BBS9: variants seen among roughly 807,000 people sequenced by gnomAD.
The protein encoded by BBS9 is protein PTHB1.
Under a neutral mutation model 117.7 loss-of-function variants are expected in BBS9, and 89 were observed. The ratio of observed to expected loss-of-function variants is 0.76; its 90% confidence interval spans 0.64 to 0.90. BBS9 has a LOEUF of 0.90. Among genes scored for constraint, BBS9 ranks in the 40% least tolerant of loss-of-function variants. The pLI, the probability that BBS9 is intolerant of heterozygous loss-of-function variation, is 0.00. For missense variants in BBS9, 982 were observed against 1,042.2 expected, an observed-to-expected ratio of 0.94 and a Z score of 0.80; for synonymous variants, 379 against 370.9, an observed-to-expected ratio of 1.02 and a Z score of -0.25.
chr7:33,469,548 TA>T (rs1840679627), intron 19 of BBS9, among the ~76,000 whole-genome samples: 1 of 152,180 alleles, frequency 6.6e-6, no homozygotes, highest in Non-Finnish European at 1.5e-5. Flanking sequence ...TAGGGGAAGA[TA>T]TTTTTTAACT....
At chr7:33,384,362 T>G (rs1825638545) in intron 18 of BBS9, among the ~76,000 whole-genome samples, 1 of 152,202 alleles carries the variant, frequency 6.6e-6, no homozygotes, top group Admixed American at 6.5e-5. Flanking sequence ...AACAGTAACT[T>G]TGTTGCTCTG....
At chr7:33,219,259 C>A (rs189526100) in intron 5 of BBS9, among the ~76,000 whole-genome samples, 1 of 152,202 alleles carries the variant, frequency 6.6e-6, no homozygotes, top group Non-Finnish European at 1.5e-5. Context: ...AGCCTCCCAC[C>A]CCCTCCGTGG....
At chr7:33,389,888 T>C (rs1288857687) in intron 19 of BBS9, among the ~76,000 whole-genome samples, 1 of 152,028 alleles carries the variant, frequency 6.6e-6, no homozygotes, top group African/African-American at 2.4e-5. Context: ...TTCCATAAAA[T>C]GAGATGACTA....
At chr7:33,572,066 A>C (rs988478206) in intron 21 of BBS9, among the ~76,000 whole-genome samples, 1 of 151,968 alleles carries the variant, frequency 6.6e-6, no homozygotes, top group Non-Finnish European at 1.5e-5. Flanking sequence ...TGTATTTACT[A>C]TCCAAACCTT....
chr7:33,562,042 G>T (rs1856163717), intron 21 of BBS9, among the ~76,000 whole-genome samples: 1 of 152,158 alleles, frequency 6.6e-6, no homozygotes, highest in African/African-American at 2.4e-5. Context: ...AAATAGAGTT[G>T]CCATTGAAAT....
At chr7:33,368,502 A>G (rs1822216489) in intron 17 of BBS9, among the ~76,000 whole-genome samples, 1 of 152,042 alleles carries the variant, frequency 6.6e-6, no homozygotes, top group Non-Finnish European at 1.5e-5. Flanking sequence ...TTACTGAGTT[A>G]TACACACCTT....
intron 9 of BBS9, 59 bp from the exon 10 acceptor site, chr7:33,336,382 G>C: frequency 7.3e-7 from 1 of 1,372,946 alleles, no homozygotes; most frequent in South Asian, 1.2e-5. Context: ...AATGTAGTTG[G>C]TCAAGACTAA....
intron 19 of BBS9, among the ~76,000 whole-genome samples, chr7:33,476,651 G>A (rs924919336): frequency 6.6e-6 from 1 of 152,064 alleles, no homozygotes; most frequent in African/African-American, 2.4e-5. Flanking sequence ...CATCCATCCC[G>A]TCTTACTTCT....
At chr7:33,607,163 T>G (rs1247335892), downstream of BBS9, among the ~76,000 whole-genome samples, 1 of 152,146 alleles carries the variant, frequency 6.6e-6, no homozygotes, top group Non-Finnish European at 1.5e-5. Flanking sequence ...TTTCGCTGCT[T>G]GGTAAATATT....
At chr7:33,332,030 T>A (rs550923451) in intron 9 of BBS9, among the ~76,000 whole-genome samples, 52 of 152,072 alleles carry the variant, frequency 3.4e-4, no homozygotes, top group African/African-American at 1.3e-3. Flanking sequence ...TCTAGAGGCA[T>A]CACATTACCC....
intron 1 of BBS9, among the ~76,000 whole-genome samples, chr7:33,143,976 C>G (rs1791952210): frequency 1.3e-5 from 2 of 151,866 alleles, no homozygotes; most frequent in South Asian, 4.2e-4. Flanking sequence ...TTTATGTATC[C>G]TGGATATTAA....
At chr7:33,434,801 C>T (rs1490242011) in intron 19 of BBS9, among the ~76,000 whole-genome samples, 1 of 152,100 alleles carries the variant, frequency 6.6e-6, no homozygotes, top group Non-Finnish European at 1.5e-5. Context: ...TGCTTATTTG[C>T]ATCTTGAAGA....
chr7:33,568,621 A>T (rs1353536123), intron 21 of BBS9, among the ~76,000 whole-genome samples: 2 of 152,100 alleles, frequency 1.3e-5, no homozygotes, highest in Non-Finnish European at 2.9e-5. Flanking sequence ...TACTGTTTCC[A>T]TAGTGGTTTT....
intron 21 of BBS9, among the ~76,000 whole-genome samples, chr7:33,559,935 C>T (rs772596410): frequency 2.0e-4 from 30 of 152,108 alleles, no homozygotes; most frequent in Non-Finnish European, 3.8e-4. Flanking sequence ...CCCAGGATTC[C>T]CATCTTTCCT....
chr7:33,326,809 T>A (rs1194393134), intron 9 of BBS9, among the ~76,000 whole-genome samples: 3 of 151,600 alleles, frequency 2.0e-5, no homozygotes, highest in Non-Finnish European at 2.9e-5. Context: ...GTACCCGAGG[T>A]CTCTGCTCAG....
intron 21 of BBS9, among the ~76,000 whole-genome samples, chr7:33,603,256 T>G (rs1175213007): frequency 1.3e-5 from 2 of 152,164 alleles, no homozygotes; most frequent in Non-Finnish European, 2.9e-5. Context: ...CTGCCTTTTT[T>G]TTTCAGGGTT....
chr7:33,571,534 G>A (rs1250397022), intron 21 of BBS9, among the ~76,000 whole-genome samples: 1 of 151,966 alleles, frequency 6.6e-6, no homozygotes, highest in African/African-American at 2.4e-5. Flanking sequence ...TCTTTGAAAT[G>A]ATCATTTAAT....
chr7:33,315,226 G>A (rs1010270723), intron 9 of BBS9, among the ~76,000 whole-genome samples: 1 of 152,132 alleles, frequency 6.6e-6, no homozygotes, highest in Admixed American at 6.6e-5. Context: ...GGCTGTCAGG[G>A]AGAATCTGTT....
chr7:33,525,920 C>T lies in BBS9; in HGVS notation c.2299-8034C>T, dbSNP rs1490826276. Among the ~76,000 whole-genome samples the T allele has an allele frequency of 5.3e-5, 8 of 150,106 alleles. No homozygotes were observed. In the South Asian group the frequency reaches 6.4e-4, roughly 12 times the overall value. The stretch of plus-strand genomic sequence containing the variant: ...CCTTTCCATGTTTAGCGCTTCCTTC[C>T]GGAGCTCTTTTAGGGCAGGCCTGGT... On this transcript the variant is annotated intron_variant, in intron 20 of 22. Coordinates refer to ENST00000242067, the MANE Select transcript of BBS9 (RefSeq NM_198428.3).
Sources: gnomAD v4.1 joint callset for allele counts (sites outside exome capture counted in the v4.1 genomes callset) on GRCh38, gnomAD v4.1.1 for gene constraint, MANE v1.5 for transcripts, NCBI Gene and HGNC (gene_info 2026-07-23, HGNC 2026-07-21) for gene names.